Variants in SHISA9 observed in about 807,000 individuals in gnomAD.
SHISA9 encodes protein shisa-9.
In SHISA9, 13 loss-of-function variants were observed where a neutral mutation model predicts 38.0. The ratio of observed to expected loss-of-function variants is 0.34; its 90% CI spans 0.22 to 0.54. The LOEUF (loss-of-function observed/expected upper bound fraction) is 0.54. SHISA9 is among the 20% of genes least tolerant of loss of function. SHISA9 has a pLI of 0.91. For missense variants in SHISA9, 538 were observed against 575.8 expected, an observed-to-expected ratio of 0.93 and a Z score of 0.67; for synonymous variants, 275 against 242.0, an observed-to-expected ratio of 1.14 and a Z score of -1.27.
At chr16:13,507,217 C>A in the SHISA9 span, among the ~76,000 whole-genome samples, 92 of 151,948 alleles carry the variant, frequency 6.1e-4, no homozygotes, top group African/African-American at 2.2e-3. Context: ...GTTATTACTC[C>A]CATTTCAGAG....
At chr16:13,252,785 C>G in the SHISA9 span, among the ~76,000 whole-genome samples, 1 of 152,170 alleles carries the variant, frequency 6.6e-6, no homozygotes, top group Non-Finnish European at 1.5e-5. Context: ...CTCCCATATG[C>G]CCTCCACCTA....
At chr16:13,487,531 A>T in the SHISA9 span, among the ~76,000 whole-genome samples, 69 of 152,336 alleles carry the variant, frequency 4.5e-4, no homozygotes, top group Non-Finnish European at 8.5e-4. Flanking sequence ...TTTATCACCA[A>T]GGGGACGGCC....
chr16:13,241,929 T>C (rs1393394964), downstream of SHISA9, among the ~76,000 whole-genome samples: 3 of 152,136 alleles, frequency 2.0e-5, no homozygotes, highest in Non-Finnish European at 2.9e-5. Flanking sequence ...AATGTAGTCA[T>C]AGAACAGAGA....
the SHISA9 span, among the ~76,000 whole-genome samples, chr16:13,324,070 G>T: frequency 6.6e-6 from 1 of 152,086 alleles, no homozygotes; most frequent in East Asian, 1.9e-4. Context: ...GCTCCCTCTC[G>T]TGCCATCGAT....
At chr16:13,358,408 C>T in the SHISA9 span, among the ~76,000 whole-genome samples, 3 of 152,080 alleles carry the variant, frequency 2.0e-5, no homozygotes, top group Non-Finnish European at 2.9e-5. Flanking sequence ...ACAGGCTGTG[C>T]TGTGTGATGT....
the SHISA9 span, among the ~76,000 whole-genome samples, chr16:13,394,427 C>A: frequency 3.3e-5 from 5 of 152,142 alleles, no homozygotes; most frequent in African/African-American, 1.2e-4. Flanking sequence ...TGGTCTGGAC[C>A]TTTCTATTTG....
At chr16:12,908,477 A>G in intron 1 of SHISA9, 1 of 1,552,290 alleles carries the variant, frequency 6.4e-7, no homozygotes, top group Non-Finnish European at 8.7e-7. Flanking sequence ...CCCATGAGGT[A>G]GGCTCTATGA....
At chr16:13,051,770 A>ATT (rs35696205) in intron 2 of SHISA9, among the ~76,000 whole-genome samples, 17 of 145,810 alleles carry the variant, frequency 1.2e-4, no homozygotes, top group East Asian at 8.0e-4. Flanking sequence ...TAAAATTTAC[A>ATT]TTTTTTTTTT....
downstream of SHISA9, among the ~76,000 whole-genome samples, chr16:13,244,609 A>G (rs1191560304): frequency 1.3e-5 from 2 of 152,192 alleles, no homozygotes; most frequent in African/African-American, 4.8e-5. Flanking sequence ...TCAATTGTTT[A>G]TTTTATCAGT....
At chr16:13,310,872 C>T in the SHISA9 span, among the ~76,000 whole-genome samples, 188 of 151,930 alleles carry the variant, frequency 1.2e-3, no homozygotes, top group African/African-American at 3.9e-3. Flanking sequence ...TTAGTAGAGA[C>T]GGGGTTTCAT....
At chr16:13,107,349 C>A (rs12443562) in intron 2 of SHISA9, among the ~76,000 whole-genome samples, 1 of 151,994 alleles carries the variant, frequency 6.6e-6, no homozygotes, top group African/African-American at 2.4e-5. Flanking sequence ...GCAGGAGAAT[C>A]GCTTGAACCC....
intron 2 of SHISA9, among the ~76,000 whole-genome samples, chr16:13,041,529 A>T (rs556213648): frequency 6.6e-6 from 1 of 152,206 alleles, no homozygotes; most frequent in African/African-American, 2.4e-5. Flanking sequence ...CCTACCAGCC[A>T]CTCAAGTTGG....
the SHISA9 span, among the ~76,000 whole-genome samples, chr16:13,274,519 T>G: frequency 6.6e-6 from 1 of 152,136 alleles, no homozygotes; most frequent in Non-Finnish European, 1.5e-5. Context: ...ATGGTTTAAT[T>G]TTAAGTTTTA....
chr16:13,015,899 TTTC>T (rs2072745758), intron 2 of SHISA9, among the ~76,000 whole-genome samples: 3 of 114,640 alleles, frequency 2.6e-5, no homozygotes, highest in East Asian at 2.5e-4. Context: ...TCTTTCTTTC[TTTC>T]TTTCTTTTCT....
At chr16:12,975,128 T>G (rs2072139629) in intron 2 of SHISA9, among the ~76,000 whole-genome samples, 1 of 152,198 alleles carries the variant, frequency 6.6e-6, no homozygotes, top group Non-Finnish European at 1.5e-5. Flanking sequence ...GGCTTTTGTT[T>G]AAGTGTGTGT....
the SHISA9 span, among the ~76,000 whole-genome samples, chr16:13,299,541 C>G: frequency 1.3e-5 from 2 of 151,936 alleles, no homozygotes; most frequent in Non-Finnish European, 2.9e-5. Flanking sequence ...TGGTGAAACG[C>G]TCTCTGTACT....
chr16:13,488,749 AT>A, the SHISA9 span, among the ~76,000 whole-genome samples: 1 of 152,078 alleles, frequency 6.6e-6, no homozygotes, highest in Non-Finnish European at 1.5e-5. Flanking sequence ...TTATTTATTT[AT>A]TTATTTTTAA....
chr16:13,085,805 G>C (rs777253385), intron 2 of SHISA9, among the ~76,000 whole-genome samples: 1 of 152,096 alleles, frequency 6.6e-6, no homozygotes, highest in African/African-American at 2.4e-5. Context: ...TCTGTTGAAG[G>C]TTCTAATAAA....
At chr16:13,341,204 T>C in the SHISA9 span, among the ~76,000 whole-genome samples, 5 of 152,300 alleles carry the variant, frequency 3.3e-5, no homozygotes, top group Admixed American at 3.3e-4. Context: ...GAATCAGGGA[T>C]GTGTAGAGCT....
Sources: gnomAD v4.1 joint callset for allele counts (sites outside exome capture counted in the v4.1 genomes callset) on GRCh38, gnomAD v4.1.1 for gene constraint, MANE v1.5 for transcripts, NCBI Gene and HGNC (gene_info 2026-07-23, HGNC 2026-07-21) for gene names.